The following MOK variants were observed in gnomAD, a reference collection of about 807,000 sequenced individuals.
MOK encodes MOK protein kinase, also known as MAPK/MAK/MRK overlapping kinase.
MOK carries 59 observed loss-of-function variants against 54.2 expected under a neutral mutation model. The ratio of observed to expected loss-of-function variants is 1.09; its 90% CI spans 0.88 to 1.35. The LOEUF (loss-of-function observed/expected upper bound fraction) is 1.35, where lower values mean the gene tolerates loss of function less well. Among genes scored for constraint, MOK ranks in the 40% most tolerant of loss-of-function variants. MOK has a pLI of 0.00. For synonymous variants in MOK, 210 were observed against 202.7 expected, an observed-to-expected ratio of 1.04 and a Z score of -0.31; for missense variants, 517 against 526.2, an observed-to-expected ratio of 0.98 and a Z score of 0.17.
intron 2 of MOK, among the ~76,000 whole-genome samples, chr14:102,274,091 G>A (rs1254332058): frequency 6.6e-6 from 1 of 151,768 alleles, no homozygotes; most frequent in African/African-American, 2.4e-5. Flanking sequence ...CTGAGTAGCT[G>A]GGACTATAGG....
At chr14:102,278,883 T>C (rs986812738) in intron 2 of MOK, among the ~76,000 whole-genome samples, 4 of 152,224 alleles carry the variant, frequency 2.6e-5, no homozygotes, top group African/African-American at 9.6e-5. Flanking sequence ...TTATCTGTTA[T>C]GGAAAAACTG....
chr14:102,215,543 TG>T, the MOK span, among the ~76,000 whole-genome samples: 3 of 152,160 alleles, frequency 2.0e-5, no homozygotes, highest in Admixed American at 2.0e-4. Context: ...CACGGTGGTT[TG>T]TTGCGCCCAT....
chr14:102,299,513 C>CAA (rs56688594), intron 1 of MOK, among the ~76,000 whole-genome samples: 3 of 142,512 alleles, frequency 2.1e-5, no homozygotes, highest in African/African-American at 7.6e-5. Flanking sequence ...AGACTACCTA[C>CAA]AAAAAAAAAA....
intron 2 of MOK, among the ~76,000 whole-genome samples, chr14:102,267,261 T>C (rs1269411749): frequency 2.6e-5 from 4 of 152,188 alleles, no homozygotes; most frequent in Admixed American, 6.6e-5. Context: ...AGTATAGGTA[T>C]AGTTTAAAAT....
At chr14:102,223,155 A>G, downstream of MOK, 1 of 259,962 alleles carries the variant, frequency 3.8e-6, no homozygotes, top group South Asian at 6.9e-5. Flanking sequence ...ATTCAATGTA[A>G]TTAAATTTCA....
intron 2 of MOK, among the ~76,000 whole-genome samples, chr14:102,277,850 C>T (rs939426999): frequency 6.6e-6 from 1 of 152,114 alleles, no homozygotes; most frequent in African/African-American, 2.4e-5. Flanking sequence ...ATGTGCACTT[C>T]AAGATATACA....
At chr14:102,298,089 C>T (rs142054335) in intron 1 of MOK, among the ~76,000 whole-genome samples, 194 of 152,346 alleles carry the variant, frequency 1.3e-3, no homozygotes, top group Non-Finnish European at 2.3e-3. Context: ...TGGTGTGGGA[C>T]TGGCGGGCAG....
At chr14:102,294,276 C>A (rs1402382380) in intron 1 of MOK, among the ~76,000 whole-genome samples, 1 of 152,172 alleles carries the variant, frequency 6.6e-6, no homozygotes, top group East Asian at 1.9e-4. Flanking sequence ...GAAACCCCGT[C>A]TCTACTAAAA....
At chr14:102,291,372 C>T (rs2070742298) in intron 1 of MOK, among the ~76,000 whole-genome samples, 2 of 152,126 alleles carry the variant, frequency 1.3e-5, no homozygotes, top group Admixed American at 1.3e-4. Flanking sequence ...CAGTTTAAAA[C>T]CTCATTAAGT....
intron 2 of MOK, among the ~76,000 whole-genome samples, chr14:102,281,700 C>T (rs929608145): frequency 1.3e-5 from 2 of 151,930 alleles, no homozygotes; most frequent in Non-Finnish European, 2.9e-5. Flanking sequence ...CTGCCTCAGC[C>T]TCCCAAGTAG....
chr14:102,263,464 T>G, intron 4 of MOK, 82 bp downstream of exon 4: 1 of 991,938 alleles, frequency 1.0e-6, no homozygotes, highest in Admixed American at 2.5e-5. Context: ...TGGTGACTAA[T>G]GATGTTGAGA....
At chr14:102,253,554 C>T (rs1415932656) in intron 4 of MOK, among the ~76,000 whole-genome samples, 2 of 152,210 alleles carry the variant, frequency 1.3e-5, no homozygotes, top group Non-Finnish European at 2.9e-5. Context: ...CTTTCAGTCA[C>T]AGTCCACATG....
intron 1 of MOK, among the ~76,000 whole-genome samples, chr14:102,293,086 T>C (rs929641967): frequency 2.6e-5 from 4 of 151,998 alleles, no homozygotes; most frequent in African/African-American, 9.7e-5. Flanking sequence ...TGAGCGGAGA[T>C]TGTGCCACTG....
chr14:102,264,210 CAAAAAA>C (rs66463478), intron 3 of MOK: 10 of 88,744 alleles, frequency 1.1e-4, no homozygotes, highest in African/African-American at 2.4e-4. Flanking sequence ...GACCCTGTCT[CAAAAAA>C]AAAAAAAAAA....
At position 102,231,640 on chromosome 14, in the gene MOK, C is replaced by G; in HGVS notation, c.981+67G>C. 6.9e-7 allele frequency: 1 copy of G among 1,443,562 alleles called. No individual in the cohort carries two copies. Among genetic ancestry groups the G allele is most frequent in the South Asian group, 1.2e-5 (1 of 85,382 alleles). 89.4% of individuals were successfully genotyped at this position (1,443,562 alleles called of 1,614,324 possible). A position where few individuals can be genotyped will look rare whatever the true frequency, so the allele number is the denominator to read the frequency against. On this transcript the variant is annotated intron_variant, in intron 10 of 11. Transcript: ENST00000361847. The surrounding 1 kb of genome is among the most constrained non-coding windows in gnomAD (Gnocchi z 4.4). ...AGGTGGCGTCCTCCTGAGAGAGACA[C>G]AGGCCACCCGAGGGCATCCAGTCCC...
At chr14:102,241,271 G>C (rs1282466094) in intron 7 of MOK, among the ~76,000 whole-genome samples, 1 of 151,982 alleles carries the variant, frequency 6.6e-6, no homozygotes, top group East Asian at 1.9e-4. Context: ...TTCCTCCCCA[G>C]GCTAATCCTC....
rs368163826 is a variant in MOK at position 102,265,857 on chromosome 14, G to A, written c.178C>T (p.His60Tyr). The change falls in exon 3 of 12, where the codon CAC becomes TAC. Residue 60 changes from histidine to tyrosine, a missense_variant. Physicochemically the swap from His to Tyr is moderately conservative, Grantham distance 83. Coordinates refer to ENST00000361847, the MANE Select transcript of MOK (RefSeq NM_014226.3). ...TCATGCAACATAAGAATGTTTGGGTGCGGATTCAGGCGCCTCAGTGCTTGG... is the reference window on the plus strand; with the variant it reads ...TCATGCAACATAAGAATGTTTGGGTACGGATTCAGGCGCCTCAGTGCTTGG... Reference protein sequence around the residue: ...EIQALRRLNPHPNILMLHEVV... With the variant: ...EIQALRRLNPYPNILMLHEVV... The A allele has an allele frequency of 7.4e-6, 12 of 1,613,866 alleles. No individual in the cohort carries two copies. The African/African-American group carries it at 1.6e-4, about 22-fold the overall frequency.
the MOK span, among the ~76,000 whole-genome samples, chr14:102,218,980 G>C: frequency 6.6e-6 from 1 of 152,208 alleles, no homozygotes; most frequent in Admixed American, 6.5e-5. Flanking sequence ...AAAGGAAGCA[G>C]AAGGACAGGG....
At chr14:102,217,392 C>T in the MOK span, among the ~76,000 whole-genome samples, 3 of 152,186 alleles carry the variant, frequency 2.0e-5, no homozygotes, top group Non-Finnish European at 2.9e-5. Context: ...GGTCTTTCCC[C>T]GGAAGTCTGA....
Sources: gnomAD v4.1 joint callset for allele counts (sites outside exome capture counted in the v4.1 genomes callset) on GRCh38, gnomAD v4.1.1 for gene constraint, Gnocchi (gnomAD v3.1) non-coding constraint, MANE v1.5 for transcripts, NCBI Gene and HGNC (gene_info 2026-07-23, HGNC 2026-07-21) for gene names.